Variants in NPC1 observed in about 807,000 individuals in gnomAD.
NPC1 encodes the protein Niemann-Pick C1 protein.
Under a neutral mutation model 140.4 loss-of-function variants are expected in NPC1, and 85 were observed. That is an observed-to-expected ratio of 0.61 (90% CI 0.51 to 0.72). The LOEUF (loss-of-function observed/expected upper bound fraction) is 0.72. Ranked by LOEUF, NPC1 falls within the 30% of genes least tolerant of loss-of-function variation. The probability of loss-of-function intolerance (pLI) is 0.00; values close to 1 mark genes in which losing one functional copy is unlikely to be tolerated. For missense variants in NPC1, 1,504 were observed against 1,623.8 expected (o/e 0.93, Z 1.27); for synonymous variants, 656 against 624.8 (o/e 1.05, Z -0.74).
Position 23,539,849 on chromosome 18 carries a change from C to G in NPC1, c.2757G>C (p.Leu919=), listed in dbSNP as rs533718536. The change falls in exon 18 of 25, where the codon CTG becomes CTC. Residue 919 remains leucine (L), a synonymous_variant. Coordinates refer to ENST00000269228, the MANE Select transcript of NPC1 (RefSeq NM_000271.5). ...CGGMGCNNDS[L]VQQIFNAAQL... The stretch of plus-strand genomic sequence containing the variant: ...GCGCCGCGTTAAATATCTGCTGCAC[C>G]AGGGAATCATTGTTGCAGCCCATGC... 1 of 1,614,178 alleles carries G rather than the reference C, an allele frequency of 6.2e-7. No homozygotes were observed. Among genetic ancestry groups the G allele is most frequent in the East Asian group, 2.2e-5 (1 of 44,876 alleles).
intron 3 of NPC1, chr18:23,516,500 C>A: frequency 6.8e-7 from 1 of 1,462,180 alleles, no homozygotes. Flanking sequence ...GTGTTACAAG[C>A]ACCACGTGAT....
At position 23,556,247 on chromosome 18, in the gene NPC1, T is replaced by A; in HGVS notation, c.1322A>T (p.His441Leu). ...FGPPLDIQIL[H>L]QVLDLQIAIE... ...TTTCTTCAAACAGCAGGTTACCTGG[T>A]GCAGTATCTGTATGTCAAGCGGAGG... The change falls in exon 8 of 25, where the codon CAC (histidine) becomes CTC (leucine). Residue 441 changes from histidine (H) to leucine (L), a missense_variant. His to Leu is a moderately conservative substitution (Grantham distance 99). Coordinates refer to ENST00000269228, the MANE Select transcript of NPC1 (RefSeq NM_000271.5). 6.2e-7 allele frequency: 1 copy of A among 1,613,990 alleles called. No homozygotes were observed. Among genetic ancestry groups the A allele is most frequent in the South Asian group, 1.1e-5 (1 of 91,040 alleles).
Position 23,539,488 on chromosome 18 carries a change from G to C in NPC1, c.2796-18C>G. Reference sequence around the variant, plus strand: ...TTCGGGTACTAGAGAGGACAGACAGGGTTACTGACCTGCTCCACAGGGAGG... The same window carrying C: ...TTCGGGTACTAGAGAGGACAGACAGCGTTACTGACCTGCTCCACAGGGAGG... On this transcript the variant is annotated intron_variant, in intron 18 of 24. Coordinates refer to ENST00000269228, the MANE Select transcript of NPC1 (RefSeq NM_000271.5). 6.5e-7 allele frequency: 1 copy of C among 1,544,122 alleles called. No homozygotes were observed. The highest frequency in any genetic ancestry group is 8.9e-7 in the Non-Finnish European group (1 of 1,117,534).
chr18:23,524,109 TTA>T (rs2058224656), intron 1 of NPC1: 1 of 1,613,888 alleles, frequency 6.2e-7, no homozygotes, highest in Non-Finnish European at 8.5e-7. Context: ...ATCGTTGCAC[TTA>T]TGTTTTCTCA....
intron 3 of NPC1, chr18:23,508,187 G>T (rs2057760996): frequency 4.5e-6 from 3 of 663,898 alleles, no homozygotes; most frequent in Non-Finnish European, 7.1e-6. Flanking sequence ...GAGTCAGGCG[G>T]GGTGTTTGCT....
At chr18:23,508,089 C>G in intron 3 of NPC1, 1 of 1,563,360 alleles carries the variant, frequency 6.4e-7, no homozygotes. Flanking sequence ...TGGTGTTGAG[C>G]TGGGTTATGT....
At chr18:23,518,606 GTATAAC>G (rs1165250249), downstream of NPC1, among the ~76,000 whole-genome samples, 1 of 152,172 alleles carries the variant, frequency 6.6e-6, no homozygotes, top group African/African-American at 2.4e-5. Flanking sequence ...TATCACTCAA[GTATAAC>G]TATTACATGT....
intron 1 of NPC1, among the ~76,000 whole-genome samples, chr18:23,583,758 C>T (rs1414824139): frequency 2.0e-5 from 3 of 152,114 alleles, no homozygotes; most frequent in Non-Finnish European, 4.4e-5. Flanking sequence ...AATACAAAGG[C>T]CTATTCAGCG....
chr18:23,544,943 A>AAACCC lies in NPC1; in HGVS notation c.1947+16_1947+17insGGGTT. 1 of 1,032,988 alleles carries AAACCC rather than the reference A, an allele frequency of 9.7e-7. No individual in the cohort carries two copies. The highest frequency in any genetic ancestry group is 1.4e-6 in the Non-Finnish European group (1 of 712,988). 64.0% of individuals were successfully genotyped at this position (1,032,988 alleles called of 1,614,324 possible). A position where few individuals can be genotyped will look rare whatever the true frequency, so the allele number is the denominator to read the frequency against. ...GCTGTTAACCTCTAGAACATACACCACCCCCCCCCGGCTTACCAGAAGCCT... is the reference window on the plus strand; with the variant it reads ...GCTGTTAACCTCTAGAACATACACCAAACCCCCCCCCCCCGGCTTACCAGAAGCCT... On this transcript the variant is annotated intron_variant, in intron 12 of 24. Coordinates refer to ENST00000269228, the MANE Select transcript of NPC1 (RefSeq NM_000271.5).
intron 1 of NPC1, among the ~76,000 whole-genome samples, chr18:23,574,828 T>G (rs1447507873): frequency 6.6e-6 from 1 of 152,158 alleles, no homozygotes; most frequent in African/African-American, 2.4e-5. Flanking sequence ...GTGCCAAGAT[T>G]CCACCACTAT....
At chr18:23,530,151 T>C, downstream of NPC1, 1 of 1,613,910 alleles carries the variant, frequency 6.2e-7, no homozygotes, top group African/African-American at 1.3e-5. Context: ...TGCCAGATTT[T>C]TACTTCCATT....
intron 21 of NPC1, 25 bp downstream of exon 21, chr18:23,536,648 C>T (rs766417118): frequency 4.4e-6 from 7 of 1,602,738 alleles, no homozygotes; most frequent in South Asian, 2.2e-5. Context: ...CTGGGTAAAC[C>T]CCATTGAAAA....
chr18:23,545,073 C>T lies in NPC1; in HGVS notation c.1834G>A (p.Glu612Lys). 6.2e-7 allele frequency: 1 copy of T among 1,612,228 alleles called. No individual in the cohort carries two copies. The highest frequency in any genetic ancestry group is 8.5e-7 in the Non-Finnish European group (1 of 1,178,606). ...SFTAERSIED[E>K]LNRESDSDVF... ...TCACTGTCACTTTCACGATTTAGTT[C>T]ATCTTCAATACTTCGTTCAGCAGTG... Residue 612 changes from glutamate to lysine, a missense_variant, in exon 12 of 25, where the codon GAA becomes AAA. Transcript: ENST00000269228.
At chr18:23,560,834 A>C (rs971978788) in intron 5 of NPC1, among the ~76,000 whole-genome samples, 1 of 152,142 alleles carries the variant, frequency 6.6e-6, no homozygotes, top group African/African-American at 2.4e-5. Context: ...TATTCTTTCA[A>C]TTATGACAGC....
intron 24 of NPC1, chr18:23,533,011 GAGAGCTGGCTGCC>G: frequency 9.8e-6 from 9 of 914,864 alleles, no homozygotes; most frequent in Non-Finnish European, 1.2e-5. Flanking sequence ...CTGCTGGTGT[GAGAGCTGGCTGCC>G]AGATGGACTC....
chr18:23,515,755 A>T, intron 3 of NPC1: 1 of 1,403,588 alleles, frequency 7.1e-7, no homozygotes, highest in Non-Finnish European at 9.9e-7. Flanking sequence ...CTGGTCTCGA[A>T]CTCCTGACCT....
At chr18:23,550,899 C>G (rs1295274133) in intron 10 of NPC1, among the ~76,000 whole-genome samples, 2 of 152,168 alleles carry the variant, frequency 1.3e-5, no homozygotes, top group Non-Finnish European at 2.9e-5. Flanking sequence ...GACACCATCC[C>G]TTCTCCAACA....
At chr18:23,569,581 C>T (rs552589554) in intron 3 of NPC1, among the ~76,000 whole-genome samples, 30 of 152,314 alleles carry the variant, frequency 2.0e-4, no homozygotes, top group African/African-American at 7.0e-4. Flanking sequence ...CTTGGCCTTC[C>T]AAAGTGCTGG....
chr18:23,534,304 G>A (rs1351786057), intron 23 of NPC1, 142 bp downstream of exon 23: 5 of 708,134 alleles, frequency 7.1e-6, no homozygotes, highest in Non-Finnish European at 1.3e-5. Context: ...TGTCCACGAT[G>A]TGGCAGCTAA....
Sources: allele counts gnomAD v4.1 joint callset (sites outside exome capture counted in the v4.1 genomes callset), GRCh38; gene constraint gnomAD v4.1.1; transcripts MANE v1.5; gene names NCBI Gene and HGNC (gene_info 2026-07-23, HGNC 2026-07-21).